Variants in FYN observed in about 807,000 individuals in gnomAD.
FYN encodes tyrosine-protein kinase Fyn.
A neutral mutation model predicts 70.2 loss-of-function variants in FYN; 10 were observed. The ratio of observed to expected loss-of-function variants is 0.14; its 90% CI spans 0.09 to 0.24. The LOEUF (loss-of-function observed/expected upper bound fraction) is 0.24, where lower values mean the gene tolerates loss of function less well. FYN is among the 10% of genes least tolerant of loss of function. The probability of loss-of-function intolerance (pLI) is 1.00; values close to 1 mark genes in which losing one functional copy is unlikely to be tolerated. For missense variants in FYN, 319 were observed against 673.1 expected (o/e 0.47, Z 5.82); for synonymous variants, 236 against 248.6 (o/e 0.95, Z 0.48).
chr6:111,716,552 T>C (rs1800651941), intron 4 of FYN, among the ~76,000 whole-genome samples: 1 of 152,108 alleles, frequency 6.6e-6, no homozygotes, highest in Non-Finnish European at 1.5e-5. Context: ...AGGCAGAAAT[T>C]TGATAGTTTG....
At position 111,673,622 on chromosome 6, in the gene FYN, G is replaced by GTTTTTTTTTTTTTT. The variant is rs71021858; in HGVS notation, c.1405+863_1405+876dup. Among the ~76,000 whole-genome samples, 84 of 116,574 alleles carry GTTTTTTTTTTTTTT rather than the reference G, an allele frequency of 7.2e-4. 3 individuals carry two copies. The highest frequency in any genetic ancestry group is 1.3e-3 in the East Asian group (5 of 3,788). The allele number at this position is 116,574 out of a possible 152,430, so 76.5% of individuals were successfully genotyped here. A position where few individuals can be genotyped will look rare whatever the true frequency, so the allele number is the denominator to read the frequency against. Reference sequence around the variant, plus strand: ...AATCGTCACTATCGTTTCTATCATTGTTTTTTTTTTTTTTTTTTTCTTTAA... The same window carrying GTTTTTTTTTTTTTT: ...AATCGTCACTATCGTTTCTATCATTGTTTTTTTTTTTTTTTTTTTTTTTTTTTTTTTTTCTTTAA... On this transcript the variant is annotated intron_variant, in intron 13 of 13. Coordinates refer to ENST00000354650, the MANE Select transcript of FYN (RefSeq NM_002037.5).
At chr6:111,774,043 C>A (rs7755664) in intron 3 of FYN, among the ~76,000 whole-genome samples, 90,509 of 152,110 alleles carry the variant, frequency 0.6, 27,247 homozygotes, top group Non-Finnish European at 0.63. Flanking sequence ...GGCTGTGGGC[C>A]GAGCATCCTA....
chr6:111,809,752 C>T (rs941268783), intron 2 of FYN, among the ~76,000 whole-genome samples: 2 of 152,046 alleles, frequency 1.3e-5, no homozygotes, highest in Admixed American at 6.6e-5. Flanking sequence ...TCATTTCTAT[C>T]AAAGAATATC....
At chr6:111,720,350 GTAACAGCATA>G (rs1446551583) in intron 3 of FYN, among the ~76,000 whole-genome samples, 1 of 152,126 alleles carries the variant, frequency 6.6e-6, no homozygotes, top group Admixed American at 6.5e-5. Context: ...GTAAAATTCT[GTAACAGCATA>G]CACCTGCCTA....
chr6:111,709,839 C>T (rs1337696628), intron 5 of FYN, among the ~76,000 whole-genome samples: 1 of 152,094 alleles, frequency 6.6e-6, no homozygotes, highest in African/African-American at 2.4e-5. Flanking sequence ...TGTAAGCACC[C>T]CTCTCTTTGA....
At chr6:111,780,179 T>C (rs2128506306) in intron 3 of FYN, among the ~76,000 whole-genome samples, 1 of 152,312 alleles carries the variant, frequency 6.6e-6, no homozygotes, top group South Asian at 2.1e-4. Flanking sequence ...CCTGCTTCTC[T>C]TTCTTTTAAT....
At chr6:111,834,875 T>C (rs1294632914) in intron 2 of FYN, among the ~76,000 whole-genome samples, 2 of 152,160 alleles carry the variant, frequency 1.3e-5, no homozygotes, top group African/African-American at 2.4e-5. Flanking sequence ...TCCTCATTCC[T>C]ATAGAATAAT....
intron 4 of FYN, among the ~76,000 whole-genome samples, chr6:111,717,344 C>T (rs1291264160): frequency 6.6e-6 from 1 of 152,114 alleles, no homozygotes; most frequent in Admixed American, 6.5e-5. Context: ...AGTTTTGTGG[C>T]AATTTGTTAT....
intron 12 of FYN, among the ~76,000 whole-genome samples, chr6:111,677,259 AAGCTTCTTTAT>A (rs1374186671): frequency 1.3e-5 from 2 of 152,264 alleles, no homozygotes; most frequent in African/African-American, 4.8e-5. Context: ...TCAACAAAAG[AAGCTTCTTTAT>A]AGATAACTCA....
intron 3 of FYN, among the ~76,000 whole-genome samples, chr6:111,726,588 T>C (rs2128467288): frequency 6.6e-6 from 1 of 152,306 alleles, no homozygotes; most frequent in East Asian, 1.9e-4. Flanking sequence ...CTAGAGCTAT[T>C]TCCTGACCAT....
At chr6:111,864,995 T>C (rs558602279) in intron 1 of FYN, among the ~76,000 whole-genome samples, 13 of 152,316 alleles carry the variant, frequency 8.5e-5, no homozygotes, top group African/African-American at 3.1e-4. Context: ...CTATTATTTC[T>C]ATGGTGTATT....
At chr6:111,688,910 C>T (rs544250188) in intron 12 of FYN, among the ~76,000 whole-genome samples, 46 of 152,240 alleles carry the variant, frequency 3.0e-4, no homozygotes, top group African/African-American at 1.1e-3. Flanking sequence ...GTGGTGACTG[C>T]CCAGATCCAC....
chr6:111,798,004 C>A (rs909071036), intron 2 of FYN, among the ~76,000 whole-genome samples: 4 of 152,018 alleles, frequency 2.6e-5, no homozygotes, highest in Non-Finnish European at 5.9e-5. Context: ...CTCAGGTGAT[C>A]CGCCCGCCTC....
chr6:111,771,091 A>G (rs1161787626), intron 3 of FYN, among the ~76,000 whole-genome samples: 1 of 152,112 alleles, frequency 6.6e-6, no homozygotes. Context: ...CTCCAAACTC[A>G]AGAATAATTC....
chr6:111,862,545 A>G (rs1773991268), intron 1 of FYN, among the ~76,000 whole-genome samples: 1 of 152,174 alleles, frequency 6.6e-6, no homozygotes, highest in Admixed American at 6.5e-5. Context: ...CTAAATGAAC[A>G]TTGCTGAGTA....
At chr6:111,715,020 C>T (rs1343420264) in intron 4 of FYN, among the ~76,000 whole-genome samples, 1 of 152,102 alleles carries the variant, frequency 6.6e-6, no homozygotes, top group African/African-American at 2.4e-5. Flanking sequence ...TTGTGCTGCT[C>T]GCCCCACTGC....
At chr6:111,674,124 CCTT>C (rs1342030831) in intron 13 of FYN, among the ~76,000 whole-genome samples, 1 of 152,182 alleles carries the variant, frequency 6.6e-6, no homozygotes, top group East Asian at 1.9e-4. Flanking sequence ...GGGCTTTTCT[CCTT>C]CTCTTTCCCA....
At chr6:111,708,095 G>T in intron 5 of FYN, 75 bp from the exon 6 acceptor site, 1 of 1,072,254 alleles carries the variant, frequency 9.3e-7, no homozygotes, top group Non-Finnish European at 1.4e-6. Flanking sequence ...GTGGTCTGAA[G>T]TGTATAACTG....
At chr6:111,809,998 T>G (rs1381676229) in intron 2 of FYN, among the ~76,000 whole-genome samples, 1 of 152,222 alleles carries the variant, frequency 6.6e-6, no homozygotes, top group South Asian at 2.1e-4. Context: ...GATTAATGAC[T>G]GATTTCCTTA....
Sources: gnomAD v4.1 joint callset for allele counts (sites outside exome capture counted in the v4.1 genomes callset) on GRCh38, gnomAD v4.1.1 for gene constraint, MANE v1.5 for transcripts, NCBI Gene and HGNC (gene_info 2026-07-23, HGNC 2026-07-21) for gene names.